HSD17B12: variants seen among roughly 807,000 people sequenced by gnomAD.
HSD17B12 encodes the protein hydroxysteroid 17-beta dehydrogenase 12.
Under a neutral mutation model 39.3 loss-of-function variants are expected in HSD17B12, and 32 were observed. That is an observed-to-expected ratio of 0.81 (90% CI 0.61 to 1.09). HSD17B12 has a LOEUF of 1.09. Ranked by LOEUF, HSD17B12 falls within the 50% of genes least tolerant of loss-of-function variation. The pLI, the probability that HSD17B12 is intolerant of heterozygous loss-of-function variation, is 0.00. For missense variants in HSD17B12, 342 were observed against 382.9 expected, an observed-to-expected ratio of 0.89 and a Z score of 0.89; for synonymous variants, 150 against 146.7, an observed-to-expected ratio of 1.02 and a Z score of -0.16.
At chr11:43,568,038 A>T in the HSD17B12 span, among the ~76,000 whole-genome samples, 1 of 152,234 alleles carries the variant, frequency 6.6e-6, no homozygotes, top group East Asian at 1.9e-4. Context: ...ATTGCGCCAT[A>T]AACTTCCTAG....
intron 1 of HSD17B12, among the ~76,000 whole-genome samples, chr11:43,749,191 A>G (rs1950443195): frequency 6.6e-6 from 1 of 152,214 alleles, no homozygotes; most frequent in South Asian, 2.1e-4. Flanking sequence ...AGGCTGAGAA[A>G]GCACAAACCT....
the HSD17B12 span, among the ~76,000 whole-genome samples, chr11:43,612,588 T>C: frequency 0.17 from 26,044 of 152,118 alleles, 2,651 homozygotes; most frequent in Middle Eastern, 0.27. Context: ...AGAGGTAAAG[T>C]AGAGATGGGG....
At chr11:43,602,174 C>G in the HSD17B12 span, among the ~76,000 whole-genome samples, 1 of 152,102 alleles carries the variant, frequency 6.6e-6, no homozygotes, top group East Asian at 1.9e-4. Context: ...TATTGAGGAG[C>G]CGATCTACAG....
the HSD17B12 span, among the ~76,000 whole-genome samples, chr11:43,573,732 C>T: frequency 6.6e-6 from 1 of 152,186 alleles, no homozygotes; most frequent in Non-Finnish European, 1.5e-5. Flanking sequence ...TTTCAATAGT[C>T]CAAACAGAAA....
chr11:43,579,672 C>G, the HSD17B12 span, among the ~76,000 whole-genome samples: 21 of 152,054 alleles, frequency 1.4e-4, no homozygotes, highest in South Asian at 3.3e-3. Context: ...TCTGGCGCGG[C>G]GGGCGCGCAG....
At chr11:43,655,770 G>A in the HSD17B12 span, among the ~76,000 whole-genome samples, 1 of 152,138 alleles carries the variant, frequency 6.6e-6, no homozygotes, top group South Asian at 2.1e-4. Context: ...TGATCATGAT[G>A]GATAAGCTTT....
intron 1 of HSD17B12, among the ~76,000 whole-genome samples, chr11:43,743,602 G>T (rs1950387802): frequency 6.6e-6 from 1 of 152,192 alleles, no homozygotes; most frequent in Non-Finnish European, 1.5e-5. Flanking sequence ...CAGAGGATGA[G>T]TAAAACACCT....
the HSD17B12 span, chr11:43,581,334 C>G: frequency 2.1e-6 from 1 of 473,600 alleles, no homozygotes; most frequent in Non-Finnish European, 4.4e-6. This position sits in a 1 kb window ranked among gnomAD's most constrained non-coding sequence, Gnocchi z 4.9. Context: ...CTGTTCGGCT[C>G]CAGGGTTCGG....
chr11:43,583,754 A>G, the HSD17B12 span, among the ~76,000 whole-genome samples: 92,472 of 151,572 alleles, frequency 0.61, 28,416 homozygotes, highest in East Asian at 0.73. Context: ...CGCCTTTTGA[A>G]CCAGGGGCCT....
the HSD17B12 span, among the ~76,000 whole-genome samples, chr11:43,662,612 TAAAAC>T: frequency 1.3e-5 from 2 of 152,138 alleles, no homozygotes; most frequent in Admixed American, 1.3e-4. Flanking sequence ...AAATGAGACT[TAAAAC>T]AAGGGCAAAG....
rs879763586 is a variant in HSD17B12 at position 43,732,470 on chromosome 11, CT to C, written c.161-18428del. On this transcript the variant is annotated intron_variant, in intron 1 of 10. Coordinates refer to ENST00000278353, the MANE Select transcript of HSD17B12 (RefSeq NM_016142.3). The stretch of plus-strand genomic sequence containing the variant: ...CTATTGGTTGCAGTCAGCGGTGGAT[CT>C]TTTTTTTTTTTTAGAGACAGGGCCT... 4.0e-3 allele frequency among the ~76,000 whole-genome samples: 564 copies of C among 141,926 alleles called. 1 individual carries two copies. The highest frequency in any genetic ancestry group is 7.2e-3 in the Middle Eastern group (2 of 278). The allele number at this position is 141,926 out of a possible 152,430, so 93.1% of individuals were successfully genotyped here.
Position 43,840,084 on chromosome 11 carries a change from C to G in HSD17B12, c.684+20C>G, listed in dbSNP as rs1420081303. On this transcript the variant is annotated intron_variant, in intron 9 of 10. Coordinates refer to ENST00000278353, the MANE Select transcript of HSD17B12 (RefSeq NM_016142.3). ...GTGCAGGTGAGTGGAGTTTGTTTCA[C>G]TTAAGTATCCCTGTTTTTGTGTGGT... 2 of 1,599,942 alleles carry G rather than the reference C, an allele frequency of 1.3e-6. No individual in the cohort carries two copies. Among genetic ancestry groups the G allele is most frequent in the African/African-American group, 1.3e-5 (1 of 74,348 alleles).
chr11:43,772,829 A>G (rs1320169), intron 3 of HSD17B12, among the ~76,000 whole-genome samples: 57,892 of 151,980 alleles, frequency 0.38, 11,587 homozygotes, highest in East Asian at 0.73. Context: ...AAAAGCTTTC[A>G]GCCAGGCATG....
chr11:43,781,239 G>A (rs142756521), intron 3 of HSD17B12, among the ~76,000 whole-genome samples: 11 of 152,038 alleles, frequency 7.2e-5, no homozygotes, highest in African/African-American at 2.7e-4. Context: ...TGCCCTTAAC[G>A]CTATGTTTTT....
At chr11:43,663,447 G>T in the HSD17B12 span, among the ~76,000 whole-genome samples, 2 of 152,124 alleles carry the variant, frequency 1.3e-5, no homozygotes, top group Admixed American at 6.6e-5. Flanking sequence ...GCCCAGGCAG[G>T]TCTCAAACTC....
At chr11:43,701,843 T>C (rs926196218) in intron 1 of HSD17B12, among the ~76,000 whole-genome samples, 2 of 152,216 alleles carry the variant, frequency 1.3e-5, no homozygotes, top group Non-Finnish European at 2.9e-5. Context: ...AATTTTAGGA[T>C]TGTTTTTTCT....
chr11:43,634,266 C>T, the HSD17B12 span, among the ~76,000 whole-genome samples: 1 of 151,918 alleles, frequency 6.6e-6, no homozygotes, highest in African/African-American at 2.4e-5. Context: ...GGACCTTTTA[C>T]CCTAGTCTCT....
chr11:43,557,574 TTAAAA>T, the HSD17B12 span, among the ~76,000 whole-genome samples: 1 of 152,154 alleles, frequency 6.6e-6, no homozygotes, highest in South Asian at 2.1e-4. Context: ...AAAATGAAAT[TTAAAA>T]TAAATGTTTC....
rs566108256 is a variant in HSD17B12 at position 43,734,178 on chromosome 11, G to C, written c.161-16733G>C. On this transcript the variant is annotated intron_variant, in intron 1 of 10. Transcript: ENST00000278353. ...GATGCTGGAGAACTAATCACCCAGA[G>C]AGAGCTGGTCTCCAGGCAGGTGAGC... 2.2e-5 allele frequency: 34 copies of C among 1,572,260 alleles called. No individual in the cohort carries two copies. The African/African-American group carries it at 3.8e-4, about 17-fold the overall frequency.
Sources: gnomAD v4.1 joint callset for allele counts (sites outside exome capture counted in the v4.1 genomes callset) on GRCh38, gnomAD v4.1.1 for gene constraint, Gnocchi (gnomAD v3.1) non-coding constraint, MANE v1.5 for transcripts, NCBI Gene and HGNC (gene_info 2026-07-23, HGNC 2026-07-21) for gene names.